The following ADGRE3 variants were observed in gnomAD, a reference collection of about 807,000 sequenced individuals.
ADGRE3 encodes adhesion G protein-coupled receptor E3.
Under a neutral mutation model 80.1 loss-of-function variants are expected in ADGRE3, and 88 were observed. The observed-to-expected ratio is 1.10, with a 90% CI of 0.93 to 1.31. The LOEUF (loss-of-function observed/expected upper bound fraction) is 1.31. ADGRE3 is among the 40% of genes most tolerant of loss of function. The pLI is 0.00. For synonymous variants in ADGRE3, 281 were observed against 294.8 expected (o/e 0.95, Z 0.48); for missense variants, 715 against 776.5 (o/e 0.92, Z 0.94).
intron 14 of ADGRE3, among the ~76,000 whole-genome samples, chr19:14,628,315 G>A (rs1024578956): frequency 1.3e-5 from 2 of 151,108 alleles, no homozygotes; most frequent in African/African-American, 2.4e-5. Flanking sequence ...GGTGGCATGC[G>A]CCTGTAGTCC....
In ADGRE3 at chr19:14,662,195, C is replaced by G. The variant is rs979958381; in HGVS notation, c.200-77G>C. 8.2e-6 allele frequency: 12 copies of G among 1,456,706 alleles called. No homozygotes were observed. The Admixed American group carries it at 2.1e-4, about 25-fold the overall frequency. The allele number at this position is 1,456,706 out of a possible 1,614,324, so 90.2% of individuals were successfully genotyped here. A position where few individuals can be genotyped will look rare whatever the true frequency, so the allele number is the denominator to read the frequency against. ...CAGCTACTATGTGTCAGGAGTTGTG[C>G]TCTTTCCCCCATGGTCTGTCCTGGC... is the stretch of plus-strand genomic sequence containing the variant. On this transcript the variant is annotated intron_variant, in intron 3 of 15. Coordinates refer to ENST00000253673, the MANE Select transcript of ADGRE3 (RefSeq NM_032571.5).
At chr19:14,666,975 CAG>C (rs1972122678) in intron 2 of ADGRE3, among the ~76,000 whole-genome samples, 1 of 152,124 alleles carries the variant, frequency 6.6e-6, no homozygotes, top group African/African-American at 2.4e-5. Flanking sequence ...CATTTGGAAA[CAG>C]GGTCTGTACA....
chr19:14,662,371 G>A lies in ADGRE3; in HGVS notation c.200-253C>T, dbSNP rs535275267. ...CCCAGGAAACACTGAGAGGGCAGTC[G>A]CGAAATGAAACAAGAAACTATCTTT... On this transcript the variant is annotated intron_variant, in intron 3 of 15. Coordinates refer to ENST00000253673, the MANE Select transcript of ADGRE3 (RefSeq NM_032571.5). Among the ~76,000 whole-genome samples the A allele has an allele frequency of 4.2e-4, 64 of 152,114 alleles. 1 individual carries two copies. Among genetic ancestry groups the A allele is most frequent in the Admixed American group, 1.5e-3 (23 of 15,268 alleles).
chr19:14,609,660 A>G, the ADGRE3 span, among the ~76,000 whole-genome samples: 1 of 151,844 alleles, frequency 6.6e-6, no homozygotes, highest in Non-Finnish European at 1.5e-5. Context: ...CAACATGGTG[A>G]AACCCCGTCT....
the ADGRE3 span, chr19:14,610,259 C>G: frequency 6.5e-7 from 1 of 1,535,470 alleles, no homozygotes; most frequent in Non-Finnish European, 8.7e-7. Flanking sequence ...ATCTCCTGCC[C>G]TTTCGTGGAC....
intron 4 of ADGRE3, among the ~76,000 whole-genome samples, chr19:14,659,322 C>T (rs750721957): frequency 2.6e-5 from 4 of 152,068 alleles, no homozygotes; most frequent in Non-Finnish European, 4.4e-5. Context: ...GGATTACAGG[C>T]GCGAGCCACC....
chr19:14,613,333 G>A, the ADGRE3 span, among the ~76,000 whole-genome samples: 265 of 151,620 alleles, frequency 1.7e-3, 1 homozygote, highest in Middle Eastern at 3.4e-3. Flanking sequence ...GAAATCCTCC[G>A]TCCTCAGACT....
intron 3 of ADGRE3, 133 bp downstream of exon 3, chr19:14,663,285 G>A (rs1972002564): frequency 1.0e-5 from 4 of 391,724 alleles, no homozygotes; most frequent in South Asian, 1.5e-4. Flanking sequence ...TTACAGGCTT[G>A]AGCAACTGTG....
Position 14,632,905 on chromosome 19 carries a change from A to G in ADGRE3, c.1643+16T>C. The G allele has an allele frequency of 1.3e-6, 2 of 1,560,514 alleles. No homozygotes were observed. Among genetic ancestry groups the G allele is most frequent in the Non-Finnish European group, 1.8e-6 (2 of 1,131,272 alleles). On this transcript the variant is annotated intron_variant, in intron 13 of 15. Transcript: ENST00000253673. ...AGAAGGAAAGGGAATAGGAAGTACC[A>G]TTTGTCACATCCTACCTTGTGTTCT...
downstream of ADGRE3, among the ~76,000 whole-genome samples, chr19:14,618,846 CAA>C (rs771965258): frequency 0.075 from 4,613 of 61,460 alleles, 48 homozygotes; most frequent in Admixed American, 0.096. Flanking sequence ...AACTCCATCT[CAA>C]AAAAAAAAAA....
chr19:14,620,548 T>TAATATATATATATATATGTATA, intron 15 of ADGRE3, among the ~76,000 whole-genome samples: 1 of 24,982 alleles, frequency 4.0e-5, no homozygotes. Flanking sequence ...TATATATATA[T>TAATATATATATATATATGTATA]TATATATATA....
At chr19:14,655,918 G>C (rs1391314177) in intron 5 of ADGRE3, among the ~76,000 whole-genome samples, 1 of 152,124 alleles carries the variant, frequency 6.6e-6, no homozygotes, top group Non-Finnish European at 1.5e-5. Context: ...GTCGCAACAA[G>C]GGAGTGGTTG....
At chr19:14,620,524 GAATATATATATTTTATATATATATTATA>G (rs1970536627) in intron 15 of ADGRE3, among the ~76,000 whole-genome samples, 1 of 19,280 alleles carries the variant, frequency 5.2e-5, no homozygotes, top group African/African-American at 2.0e-4. Flanking sequence ...GACTATATAT[GAATATATATATTTTATATATATATTATA>G]TATATATATA....
chr19:14,614,659 C>A (rs148452111), downstream of ADGRE3, among the ~76,000 whole-genome samples: 21 of 150,664 alleles, frequency 1.4e-4, no homozygotes, highest in East Asian at 3.9e-3. Context: ...TCACTGCAAC[C>A]TTTGCCTCCT....
chr19:14,617,375 T>TC (rs1201555130), downstream of ADGRE3, among the ~76,000 whole-genome samples: 41 of 121,122 alleles, frequency 3.4e-4, no homozygotes, highest in Non-Finnish European at 6.7e-4. Flanking sequence ...TCTTTCTTTC[T>TC]TCCTTTCTTT....
the ADGRE3 span, among the ~76,000 whole-genome samples, chr19:14,607,809 C>T: frequency 6.6e-6 from 1 of 150,660 alleles, no homozygotes; most frequent in Non-Finnish European, 1.5e-5. Context: ...CTCCTGACCT[C>T]AGGTGATCTG....
At chr19:14,645,996 T>A (rs1422647934) in intron 8 of ADGRE3, among the ~76,000 whole-genome samples, 1 of 152,232 alleles carries the variant, frequency 6.6e-6, no homozygotes, top group Non-Finnish European at 1.5e-5. Context: ...TATAGATCAA[T>A]TAACTTTAAT....
In ADGRE3 at chr19:14,639,834, G is replaced by A. The variant is rs115963014; in HGVS notation, c.1249-1494C>T. On this transcript the variant is annotated intron_variant, in intron 10 of 15. Transcript: ENST00000253673. ...GTTTTTGTACTTGTCTTTTTTGGGG[G>A]GTGAGAACACTTAAAATCTACTTTG... Among the ~76,000 whole-genome samples the A allele has an allele frequency of 3.0e-3, 452 of 152,010 alleles. 2 individuals carry two copies. Among genetic ancestry groups the A allele is most frequent in the African/African-American group, 0.01 (430 of 41,470 alleles).
In ADGRE3 at chr19:14,632,948, C is replaced by T. The variant is rs1202779470; in HGVS notation, c.1616G>A (p.Ser539Asn). The change falls in exon 13 of 16, where the codon AGT becomes AAT. Residue 539 changes from serine to asparagine, a missense_variant. Coordinates refer to ENST00000253673, the MANE Select transcript of ADGRE3 (RefSeq NM_032571.5). ...ILKRKLSSLN[S>N]EVSTIQNTRM... ...TGTGTTCTGGATGGTTGACACTTCA[C>T]TATTGAGGGAGGAAAGTTTTCTTTT... The T allele has an allele frequency of 5.0e-6, 8 of 1,613,508 alleles. No homozygotes were observed. Among genetic ancestry groups the T allele is most frequent in the Non-Finnish European group, 6.8e-6 (8 of 1,179,488 alleles).
Sources: allele counts gnomAD v4.1 joint callset (sites outside exome capture counted in the v4.1 genomes callset), GRCh38; gene constraint gnomAD v4.1.1; transcripts MANE v1.5; gene names NCBI Gene and HGNC (gene_info 2026-07-23, HGNC 2026-07-21).